CHODL: variants seen among roughly 807,000 people sequenced by gnomAD.
The protein encoded by CHODL is transmembrane protein MT75.
Under a neutral mutation model 34.5 loss-of-function variants are expected in CHODL, and 29 were observed. That is an observed-to-expected ratio of 0.84 (90% confidence interval 0.63 to 1.15). The LOEUF is 1.15. Ranked by LOEUF, CHODL falls within the 50% of genes most tolerant of loss-of-function variation. The pLI, the probability that CHODL is intolerant of heterozygous loss-of-function variation, is 0.00. For synonymous variants in CHODL, 125 were observed against 116.1 expected (o/e 1.08, Z -0.49); for missense variants, 332 against 332.5 (o/e 1.00, Z 0.01).
intron 1 of CHODL, among the ~76,000 whole-genome samples, chr21:17,967,392 C>CT (rs752640238): frequency 1.3e-5 from 2 of 152,116 alleles, no homozygotes; most frequent in Non-Finnish European, 2.9e-5. Flanking sequence ...AAAACACATT[C>CT]TTTTTCTTTC....
At chr21:18,033,824 C>G (rs559659204) in intron 2 of CHODL, among the ~76,000 whole-genome samples, 1 of 152,052 alleles carries the variant, frequency 6.6e-6, no homozygotes, top group Admixed American at 6.6e-5. Context: ...AGAATCAAGA[C>G]GCTCACACAC....
chr21:18,056,369 G>C (rs1469020499), intron 2 of CHODL, among the ~76,000 whole-genome samples: 1 of 138,214 alleles, frequency 7.2e-6, no homozygotes, highest in Non-Finnish European at 1.5e-5. Context: ...TAAAAATAAA[G>C]AATTATTTAT....
At chr21:18,245,889 A>T in intron 1 of CHODL, 1 of 1,535,226 alleles carries the variant, frequency 6.5e-7, no homozygotes. Context: ...ACTGCGTTCC[A>T]AGTTGGGGAC....
chr21:18,202,957 A>C (rs1272934757), intron 2 of CHODL, among the ~76,000 whole-genome samples: 2 of 152,194 alleles, frequency 1.3e-5, no homozygotes, highest in East Asian at 3.8e-4. Context: ...TAAAAGGAAG[A>C]TCCATCTCGA....
In CHODL at chr21:18,217,481, A is replaced by G. The variant is rs530405893; in HGVS notation, c.-44-39028A>G. 9.2e-5 allele frequency among the ~76,000 whole-genome samples: 14 copies of G among 151,700 alleles called. 1 individual carries two copies. Among genetic ancestry groups the G allele is most frequent in the African/African-American group, 3.4e-4 (14 of 41,440 alleles). ...CACTTATTATGAGAACAGCAGCATG[A>G]GGGTAACTGCCCCCCCGACTCAATA... On this transcript the variant is annotated intron_variant, in intron 2 of 6. Coordinates refer to the CHODL transcript ENST00000400127.
intron 2 of CHODL, among the ~76,000 whole-genome samples, chr21:18,091,439 C>G (rs1048032866): frequency 3.3e-5 from 5 of 152,150 alleles, no homozygotes; most frequent in African/African-American, 1.2e-4. Context: ...CAGCTTATAG[C>G]AATGAAAGTG....
rs1243108011 is a variant in CHODL at position 18,190,762 on chromosome 21, TAAG to T, written c.-44-65743_-44-65741del. ...TTGTATAGCAATCTGATAAAAACAATAAGAAGTTTTCTATTTAGGTTGTTGTGT... is the reference window on the plus strand; with the variant it reads ...TTGTATAGCAATCTGATAAAAACAATAAGTTTTCTATTTAGGTTGTTGTGT... On this transcript the variant is annotated intron_variant, in intron 2 of 6. Coordinates refer to the CHODL transcript ENST00000400127. Among the ~76,000 whole-genome samples, 14 of 152,278 alleles carry T rather than the reference TAAG, an allele frequency of 9.2e-5. No homozygotes were observed. In the South Asian group the frequency reaches 1.4e-3, roughly 16 times the overall value.
chr21:17,957,725 A>AT, intron 1 of CHODL, among the ~76,000 whole-genome samples: 1 of 151,392 alleles, frequency 6.6e-6, no homozygotes, highest in Non-Finnish European at 1.5e-5. Flanking sequence ...ATAATAAAAT[A>AT]TAAAATAAAA....
chr21:18,041,450 G>A (rs1227907931), intron 2 of CHODL, among the ~76,000 whole-genome samples: 1 of 151,542 alleles, frequency 6.6e-6, no homozygotes, highest in African/African-American at 2.4e-5. Context: ...TTTTTTAAAT[G>A]AAAGCCATTT....
intron 2 of CHODL, among the ~76,000 whole-genome samples, chr21:18,078,128 GTCTGT>G (rs2064889020): frequency 3.3e-5 from 5 of 152,108 alleles, no homozygotes; most frequent in Admixed American, 3.3e-4. Flanking sequence ...CGGTGTATTA[GTCTGT>G]TCTCATGCTG....
At chr21:18,044,943 C>T (rs942091305) in intron 2 of CHODL, among the ~76,000 whole-genome samples, 1 of 151,854 alleles carries the variant, frequency 6.6e-6, no homozygotes, top group Non-Finnish European at 1.5e-5. Flanking sequence ...GTAAGATAGA[C>T]AGGGTCTATG....
At chr21:18,047,986 CTT>C (rs1277451436) in intron 2 of CHODL, among the ~76,000 whole-genome samples, 1 of 151,876 alleles carries the variant, frequency 6.6e-6, no homozygotes, top group Non-Finnish European at 1.5e-5. Context: ...TGCTGTATCT[CTT>C]CAGTCTACAG....
intron 2 of CHODL, among the ~76,000 whole-genome samples, chr21:18,136,157 C>T (rs2072725815): frequency 6.8e-6 from 1 of 148,126 alleles, no homozygotes; most frequent in Non-Finnish European, 1.5e-5. Context: ...TCTACAGTGA[C>T]ATCTCTGCCT....
intron 1 of CHODL, among the ~76,000 whole-genome samples, chr21:17,927,108 GTATATATGTATATATGTA>G (rs1208168913): frequency 5.2e-4 from 68 of 131,684 alleles, no homozygotes; most frequent in African/African-American, 1.6e-3. Context: ...CTGTGTGTAT[GTATATATGTATATATGTA>G]TATATATGTA....
At chr21:17,951,666 A>C in intron 1 of CHODL, among the ~76,000 whole-genome samples, 1 of 152,356 alleles carries the variant, frequency 6.6e-6, no homozygotes. Context: ...ATTGAAATCT[A>C]ATTTGGAACT....
At chr21:17,982,368 T>TC (rs2063720667) in intron 1 of CHODL, among the ~76,000 whole-genome samples, 2 of 152,184 alleles carry the variant, frequency 1.3e-5, no homozygotes, top group African/African-American at 4.8e-5. Context: ...AAAGGGGTTT[T>TC]CATAAATGAA....
At chr21:17,965,266 G>T (rs889574387) in intron 1 of CHODL, among the ~76,000 whole-genome samples, 3 of 152,000 alleles carry the variant, frequency 2.0e-5, no homozygotes, top group Non-Finnish European at 4.4e-5. Flanking sequence ...AGCCTCTAAA[G>T]TCTTCCAATG....
intron 1 of CHODL, among the ~76,000 whole-genome samples, chr21:17,940,604 C>T (rs985303163): frequency 6.6e-6 from 1 of 152,134 alleles, no homozygotes; most frequent in South Asian, 2.1e-4. Flanking sequence ...TTTTCTTGAC[C>T]TGGAGGGGAG....
In CHODL at chr21:18,064,802, C is replaced by T. The variant is rs367682906; in HGVS notation, c.-45+36831C>T. ...GTATGTAAATATATGTATGTATGCA[C>T]CTCAGTTATATGTTTGTATCTCCTA... On this transcript the variant is annotated intron_variant, in intron 2 of 6. Coordinates refer to the CHODL transcript ENST00000400127. Among the ~76,000 whole-genome samples, 10 of 152,108 alleles carry T rather than the reference C, an allele frequency of 6.6e-5. 1 individual carries two copies. Among genetic ancestry groups the T allele is most frequent in the Admixed American group, 6.6e-4 (10 of 15,254 alleles).
Sources: allele counts gnomAD v4.1 joint callset (sites outside exome capture counted in the v4.1 genomes callset), GRCh38; gene constraint gnomAD v4.1.1; transcripts MANE v1.5; gene names NCBI Gene and HGNC (gene_info 2026-07-23, HGNC 2026-07-21).